Variants in LPP observed in about 807,000 individuals in gnomAD.
The protein encoded by LPP is lipoma-preferred partner.
Under a neutral mutation model 60.4 loss-of-function variants are expected in LPP, and 38 were observed. That is an observed-to-expected ratio of 0.63 (90% CI 0.49 to 0.83). The LOEUF is 0.83. Among genes scored for constraint, LPP ranks in the 40% least tolerant of loss-of-function variants. The probability of loss-of-function intolerance (pLI) is 0.00; values close to 1 mark genes in which losing one functional copy is unlikely to be tolerated. For missense variants in LPP, 902 were observed against 783.6 expected (o/e 1.15, Z -1.80); for synonymous variants, 328 against 290.8 (o/e 1.13, Z -1.30).
At chr3:188,333,773 G>A (rs147142218) in intron 2 of LPP, among the ~76,000 whole-genome samples, 13 of 151,916 alleles carry the variant, frequency 8.6e-5, no homozygotes, top group Admixed American at 2.6e-4. Context: ...ACATGTTTAC[G>A]GGGTACAGTG....
chr3:188,276,404 T>C (rs1380034071), intron 2 of LPP, among the ~76,000 whole-genome samples: 1 of 152,208 alleles, frequency 6.6e-6, no homozygotes, highest in African/African-American at 2.4e-5. Flanking sequence ...GGTGCTCTTG[T>C]TGTAAGTCAC....
intron 9 of LPP, among the ~76,000 whole-genome samples, chr3:188,861,588 A>G (rs897855728): frequency 1.3e-5 from 2 of 152,100 alleles, no homozygotes; most frequent in African/African-American, 4.8e-5. Context: ...TTATCATCTC[A>G]TTAGTAGTTC....
chr3:188,364,376 C>T (rs141392153), intron 3 of LPP, among the ~76,000 whole-genome samples: 3 of 152,128 alleles, frequency 2.0e-5, no homozygotes, highest in Non-Finnish European at 2.9e-5. Flanking sequence ...TACTTGCCTT[C>T]GTTCGTTTTT....
chr3:188,485,722 G>A (rs1179946135), intron 5 of LPP, among the ~76,000 whole-genome samples: 6 of 142,448 alleles, frequency 4.2e-5, no homozygotes, highest in East Asian at 2.1e-4. Context: ...GCGTGAACCC[G>A]GGAGGCAGAG....
chr3:188,549,845 C>T (rs957981860), intron 6 of LPP, among the ~76,000 whole-genome samples: 16 of 152,182 alleles, frequency 1.1e-4, no homozygotes, highest in African/African-American at 3.4e-4. Flanking sequence ...TAAATGTTTG[C>T]AGCCTCGCAC....
chr3:188,769,747 A>G (rs1344786259), intron 9 of LPP, among the ~76,000 whole-genome samples: 1 of 152,188 alleles, frequency 6.6e-6, no homozygotes, highest in Non-Finnish European at 1.5e-5. Context: ...ACCGACATGA[A>G]GGGTTTAAAC....
At chr3:188,422,949 G>GTGTGTA (rs1560384268) in intron 4 of LPP, among the ~76,000 whole-genome samples, 6 of 150,748 alleles carry the variant, frequency 4.0e-5, no homozygotes, top group African/African-American at 1.5e-4. Context: ...GTGTGTGTGT[G>GTGTGTA]TGTGTGTGTT....
chr3:188,532,135 G>A lies in LPP; in HGVS notation c.429+7348G>A, dbSNP rs79511875. Among the ~76,000 whole-genome samples, 1,210 of 152,216 alleles carry A rather than the reference G, an allele frequency of 7.9e-3. 18 individuals are homozygous for A. The highest frequency in any genetic ancestry group is 0.027 in the African/African-American group (1,126 of 41,526). On this transcript the variant is annotated intron_variant, in intron 6 of 11. Transcript: ENST00000617246. ...GAAGTAAAGTGTTCTGTCCAGGCAT[G>A]GTATCTCACACCTGGAATCCCAGCA...
intron 7 of LPP, among the ~76,000 whole-genome samples, chr3:188,689,737 A>G (rs1861670978): frequency 1.3e-5 from 2 of 152,208 alleles, no homozygotes; most frequent in South Asian, 2.1e-4. Context: ...TTGAATCACA[A>G]GTGAGCGGAG....
chr3:188,836,895 C>T (rs993936950), intron 9 of LPP, among the ~76,000 whole-genome samples: 9 of 152,158 alleles, frequency 5.9e-5, no homozygotes, highest in African/African-American at 2.2e-4. Flanking sequence ...GTCAGAACTA[C>T]GTGGGCTTTT....
intron 2 of LPP, among the ~76,000 whole-genome samples, chr3:188,242,042 G>T (rs1300614468): frequency 6.6e-6 from 1 of 152,092 alleles, no homozygotes; most frequent in African/African-American, 2.4e-5. Context: ...TGGATGATGT[G>T]CTTTTTTTGG....
At chr3:188,677,500 A>T (rs748318344) in intron 7 of LPP, among the ~76,000 whole-genome samples, 10 of 152,188 alleles carry the variant, frequency 6.6e-5, no homozygotes, top group Non-Finnish European at 1.2e-4. Context: ...GTTGAATAAG[A>T]TTGAAACTGA....
At chr3:188,367,975 G>C (rs73050707) in intron 3 of LPP, among the ~76,000 whole-genome samples, 2,480 of 152,212 alleles carry the variant, frequency 0.016, 80 homozygotes, top group African/African-American at 0.056. Flanking sequence ...TAATAATCTT[G>C]TGTGAAATAT....
intron 7 of LPP, among the ~76,000 whole-genome samples, chr3:188,636,388 C>G (rs1848768888): frequency 6.6e-6 from 1 of 152,224 alleles, no homozygotes; most frequent in African/African-American, 2.4e-5. Flanking sequence ...ATATCCCGCA[C>G]CTTGCTCGGA....
intron 2 of LPP, among the ~76,000 whole-genome samples, chr3:188,336,464 T>A (rs1007449810): frequency 6.6e-6 from 1 of 152,168 alleles, no homozygotes; most frequent in Non-Finnish European, 1.5e-5. Flanking sequence ...TGCCCTGATT[T>A]GGCAACATGA....
At chr3:188,281,994 T>C (rs926453193) in intron 2 of LPP, among the ~76,000 whole-genome samples, 3 of 152,136 alleles carry the variant, frequency 2.0e-5, no homozygotes, top group African/African-American at 7.2e-5. Context: ...CTTCTCACCT[T>C]GCCCTTTGGG....
intron 1 of LPP, among the ~76,000 whole-genome samples, chr3:188,195,605 T>G (rs537295480): frequency 6.6e-6 from 1 of 152,302 alleles, no homozygotes; most frequent in South Asian, 2.1e-4. Context: ...GCATTTAAAA[T>G]GTGGCTAGTT....
chr3:188,368,938 A>G (rs567065832), intron 3 of LPP, among the ~76,000 whole-genome samples: 2 of 152,156 alleles, frequency 1.3e-5, no homozygotes, highest in Admixed American at 6.5e-5. Context: ...GCCACATTTT[A>G]TCTCTCTGTC....
At chr3:188,649,381 A>G (rs192719566) in intron 7 of LPP, among the ~76,000 whole-genome samples, 2 of 152,330 alleles carry the variant, frequency 1.3e-5, no homozygotes, top group African/African-American at 2.4e-5. Context: ...CAGTGTTTGG[A>G]TGACAGCTAC....
Sources: gnomAD v4.1 joint callset for allele counts (sites outside exome capture counted in the v4.1 genomes callset) on GRCh38, gnomAD v4.1.1 for gene constraint, MANE v1.5 for transcripts, NCBI Gene and HGNC (gene_info 2026-07-23, HGNC 2026-07-21) for gene names.